RFC1: variants seen among roughly 807,000 people sequenced by gnomAD.
RFC1 encodes the protein replication factor C subunit 1.
Under a neutral mutation model 137.4 loss-of-function variants are expected in RFC1, and 37 were observed. That is an observed-to-expected ratio of 0.27 (90% CI 0.21 to 0.35). The LOEUF (loss-of-function observed/expected upper bound fraction) is 0.35. RFC1 is among the 10% of genes least tolerant of loss of function. The pLI is 1.00. For synonymous variants in RFC1, 429 were observed against 455.7 expected (o/e 0.94, Z 0.75); for missense variants, 1,205 against 1,358.5 (o/e 0.89, Z 1.78).
chr4:39,293,509 A>G (rs1180540170), intron 22 of RFC1, among the ~76,000 whole-genome samples: 1 of 152,190 alleles, frequency 6.6e-6, no homozygotes, highest in East Asian at 1.9e-4. Flanking sequence ...TCACTCTTCC[A>G]TTTTTTAAAG....
At chr4:39,352,653 A>T (rs1241273201) in intron 1 of RFC1, among the ~76,000 whole-genome samples, 1 of 152,216 alleles carries the variant, frequency 6.6e-6, no homozygotes, top group African/African-American at 2.4e-5. Context: ...ATCTACCACA[A>T]TTCTGGCCCA....
rs113138455 is a variant in RFC1 at position 39,361,814 on chromosome 4, C to T, written c.3+4425G>A. Among the ~76,000 whole-genome samples the T allele has an allele frequency of 1.8e-3, 272 of 152,188 alleles. 2 individuals carry two copies. The highest frequency in any genetic ancestry group is 6.1e-3 in the African/African-American group (253 of 41,534). On this transcript the variant is annotated intron_variant, in intron 1 of 24. Coordinates refer to ENST00000349703, the MANE Select transcript of RFC1 (RefSeq NM_002913.5). ...CTGTAATCCCAGCACTTTGGGAGGC[C>T]GAGGCGGGCTGATCACGAGGTCAGG... is the stretch of plus-strand genomic sequence containing the variant.
rs546413198 is a variant in RFC1 at position 39,306,802 on chromosome 4, T to C, written c.1886-101A>G. On this transcript the variant is annotated intron_variant, in intron 13 of 24. Transcript: ENST00000349703. ...TGCCTAAACTTCACATAGACAGCTG[T>C]CCTCCAGTTTAGTTCTAAATTTGCA... 35 of 690,486 alleles carry C rather than the reference T, an allele frequency of 5.1e-5. No homozygotes were observed. The East Asian group carries it at 8.6e-4, about 17-fold the overall frequency. The allele number at this position is 690,486 out of a possible 1,614,324, so 42.8% of individuals were successfully genotyped here. A position where few individuals can be genotyped will look rare whatever the true frequency, so the allele number is the denominator to read the frequency against.
chr4:39,329,537 C>A (rs1739983698), intron 4 of RFC1, among the ~76,000 whole-genome samples: 1 of 150,800 alleles, frequency 6.6e-6, no homozygotes, highest in African/African-American at 2.4e-5. Context: ...GTACTCCAGC[C>A]TGGGAGACAG....
Position 39,321,422 on chromosome 4 carries a change from A to G in RFC1, c.721-48T>C, listed in dbSNP as rs778441653. On this transcript the variant is annotated intron_variant, in intron 7 of 24. Transcript: ENST00000349703. Reference sequence around the variant, plus strand: ...AAATGTGACAAATAATAGAAAAACTATTACCATAAAATCTGTTGTTAAAAT... The same window carrying G: ...AAATGTGACAAATAATAGAAAAACTGTTACCATAAAATCTGTTGTTAAAAT... The G allele has an allele frequency of 6.4e-5, 98 of 1,537,710 alleles. No homozygotes were observed. In the Middle Eastern group the frequency reaches 1.7e-3, roughly 27 times the overall value.
At position 39,327,645 on chromosome 4, in the gene RFC1, G is replaced by C. The variant is rs771601041; in HGVS notation, c.443C>G (p.Thr148Ser). 3 of 1,613,394 alleles carry C rather than the reference G, an allele frequency of 1.9e-6. No individual in the cohort carries two copies. In the African/African-American group the frequency reaches 4.0e-5, roughly 22 times the overall value. Residue 148 changes from threonine (T) to serine (S), a missense_variant, in exon 5 of 25, where the codon ACT becomes AGT. By Grantham distance (58) the Thr-to-Ser change is moderately conservative (BLOSUM62 1). Coordinates refer to ENST00000349703, the MANE Select transcript of RFC1 (RefSeq NM_002913.5). The part of the protein sequence containing the change: ...TSNMKKNEEN[T>S]KTKNKPLSPI... ...TGATAAAGGCTTATTCTTGGTCTTA[G>C]TGTTTTCTTCATTCTTTTTCATGTT...
rs1292438306 is a variant in RFC1, at chr4:39,323,429, G to A, written c.643-12C>T. On this transcript the variant is annotated splice_polypyrimidine_tract_variant and intron_variant, in intron 6 of 24. Coordinates refer to ENST00000349703, the MANE Select transcript of RFC1 (RefSeq NM_002913.5). ...AACTGCCTCTCCAGCTGTAAAATGT[G>A]TCAGCAAAGTGAGTTGAGTTGCTCT... 1 of 1,612,588 alleles carries A rather than the reference G, an allele frequency of 6.2e-7. No homozygotes were observed. Among genetic ancestry groups the A allele is most frequent in the South Asian group, 1.1e-5 (1 of 91,048 alleles).
At position 39,343,330 on chromosome 4, in the gene RFC1, C is replaced by A. The variant is rs150335909; in HGVS notation, c.209-863G>T. On this transcript the variant is annotated intron_variant, in intron 3 of 24. Coordinates refer to ENST00000349703, the MANE Select transcript of RFC1 (RefSeq NM_002913.5). The stretch of plus-strand genomic sequence containing the variant: ...GAGCCACCACGCCTGGCCTAATCTC[C>A]CTATTTTTAAGGTCATCTGATTAGC... Among the ~76,000 whole-genome samples the A allele has an allele frequency of 5.3e-4, 80 of 152,066 alleles. 1 individual carries two copies. Among genetic ancestry groups the A allele is most frequent in the African/African-American group, 1.8e-3 (75 of 41,542 alleles).
At chr4:39,313,003 C>T (rs971967611) in intron 10 of RFC1, 72 bp from the exon 11 acceptor site, 5 of 1,271,286 alleles carry the variant, frequency 3.9e-6, no homozygotes, top group Non-Finnish European at 5.5e-6. Flanking sequence ...GGCATCAAAA[C>T]TGCAGGAAGT....
At chr4:39,347,748 T>C (rs1050238000) in intron 2 of RFC1, among the ~76,000 whole-genome samples, 4 of 152,150 alleles carry the variant, frequency 2.6e-5, no homozygotes, top group African/African-American at 9.7e-5. Context: ...GCCTCTTTCA[T>C]CTCAGAGAAT....
intron 4 of RFC1, chr4:39,341,369 G>C: frequency 2.9e-6 from 1 of 346,676 alleles, no homozygotes; most frequent in East Asian, 7.4e-5. Flanking sequence ...TACACAGTGT[G>C]CCTGGGCAGA....
chr4:39,340,864 C>T (rs983796483), intron 4 of RFC1, among the ~76,000 whole-genome samples: 3 of 152,160 alleles, frequency 2.0e-5, no homozygotes, highest in Non-Finnish European at 4.4e-5. Flanking sequence ...GAGACAGGTA[C>T]ATCATACCCC....
In RFC1 at chr4:39,345,455, C is replaced by A; in HGVS notation, c.154G>T (p.Asp52Tyr). Residue 52 changes from aspartate to tyrosine, a missense_variant, in exon 3 of 25, where the codon GAT (aspartate) becomes TAT (tyrosine). Transcript: ENST00000349703. ...CTTGGTTGCTTTTGTTTGAAGTCAT[C>A]CTCTTTACGGGAGCTATTTACCTAT... The part of the protein sequence containing the change: ...EIKVNSSRKE[D>Y]DFKQKQPSKK... The A allele has an allele frequency of 6.2e-7, 1 of 1,613,494 alleles. No homozygotes were observed.
Position 39,291,629 on chromosome 4 carries a change from C to G in RFC1, c.3168+10G>C. On this transcript the variant is annotated intron_variant, in intron 23 of 24. Transcript: ENST00000349703. ...AAAGTGACGAAGAACCAGTGAGTGA[C>G]ATGATTTACCTTGGGATCCAGCTTT... 1.3e-6 allele frequency: 2 copies of G among 1,592,522 alleles called. No individual in the cohort carries two copies. Among genetic ancestry groups the G allele is most frequent in the Non-Finnish European group, 1.7e-6 (2 of 1,160,248 alleles).
intron 14 of RFC1, 144 bp from the exon 15 acceptor site, chr4:39,305,072 C>A: frequency 1.5e-6 from 1 of 649,678 alleles, no homozygotes; most frequent in South Asian, 1.8e-5. Flanking sequence ...TACTAACAGA[C>A]AATGAGATTA....
Position 39,288,648 on chromosome 4 carries a change from C to T in RFC1, c.*113G>A. The T allele has an allele frequency of 1.4e-6, 1 of 705,560 alleles. No individual in the cohort carries two copies. The highest frequency in any genetic ancestry group is 2.5e-6 in the Non-Finnish European group (1 of 395,158). The allele number at this position is 705,560 out of a possible 1,614,324, so 43.7% of individuals were successfully genotyped here. On this transcript the variant is annotated 3_prime_UTR_variant, in exon 25 of 25. Transcript: ENST00000349703. Reference sequence around the variant, plus strand: ...CTTTATTTATAATGGGACACCAGGTCATCCCATTATGCTAAAACATGGTTG... The same window carrying T: ...CTTTATTTATAATGGGACACCAGGTTATCCCATTATGCTAAAACATGGTTG...
At chr4:39,300,227 T>C in intron 20 of RFC1, 33 bp downstream of exon 20, 4 of 1,613,318 alleles carry the variant, frequency 2.5e-6, no homozygotes, top group Non-Finnish European at 3.4e-6. Context: ...TGCTGGATAC[T>C]AAGCACACCT....
At chr4:39,339,437 C>T (rs1317881358) in intron 4 of RFC1, among the ~76,000 whole-genome samples, 1 of 152,134 alleles carries the variant, frequency 6.6e-6, no homozygotes, top group East Asian at 1.9e-4. Flanking sequence ...AATAGCCATC[C>T]TAACGAGTGA....
Position 39,320,511 on chromosome 4 carries a change from T to G in RFC1, c.967A>C (p.Lys323Gln). Residue 323 changes from lysine to glutamine, a missense_variant, in exon 9 of 25, where the codon AAA becomes CAA. Around this residue, in one of 3 missense-constraint regions of RFC1, gnomAD observed 962 missense variants for 1,035.3 expected, o/e 0.93. Coordinates refer to ENST00000349703, the MANE Select transcript of RFC1 (RefSeq NM_002913.5). Reference sequence around the variant, plus strand: ...TTATAAGAGCTCTCTTCTTTTCTTTTCATAATTGCCAGCTTAGAACTGGCC... The same window carrying G: ...TTATAAGAGCTCTCTTCTTTTCTTTGCATAATTGCCAGCTTAGAACTGGCC... Reference protein sequence around the residue: ...PKASSKLAIMKRKEESSYKEI... With the variant: ...PKASSKLAIMQRKEESSYKEI... The G allele has an allele frequency of 1.2e-6, 2 of 1,612,102 alleles. No homozygotes were observed. Among genetic ancestry groups the G allele is most frequent in the Non-Finnish European group, 1.7e-6 (2 of 1,179,594 alleles).
Sources: gnomAD v4.1 joint callset for allele counts (sites outside exome capture counted in the v4.1 genomes callset) on GRCh38, gnomAD v4.1.1 for gene constraint, gnomAD v4.1.1 regional missense constraint, MANE v1.5 for transcripts, NCBI Gene and HGNC (gene_info 2026-07-23, HGNC 2026-07-21) for gene names.